Variants in DNAH6 observed in about 807,000 individuals in gnomAD.
DNAH6 encodes the protein dynein axonemal heavy chain 6, also known as axonemal beta dynein heavy chain 6.
Under a neutral mutation model 491.4 loss-of-function variants are expected in DNAH6, and 340 were observed. The observed-to-expected ratio is 0.69, with a 90% CI of 0.63 to 0.76. The LOEUF (loss-of-function observed/expected upper bound fraction) is 0.76, where lower values mean the gene tolerates loss of function less well. Among genes scored for constraint, DNAH6 ranks in the 30% least tolerant of loss-of-function variants. The pLI, the probability that DNAH6 is intolerant of heterozygous loss-of-function variation, is 0.00. For missense variants in DNAH6, 4,443 were observed against 4,972.2 expected, an observed-to-expected ratio of 0.89 and a Z score of 3.20; for synonymous variants, 1,603 against 1,686.1, an observed-to-expected ratio of 0.95 and a Z score of 1.21.
chr2:84,693,609 G>A (rs565827282), intron 45 of DNAH6, among the ~76,000 whole-genome samples: 2 of 151,980 alleles, frequency 1.3e-5, no homozygotes, highest in South Asian at 4.2e-4. Context: ...CGGGCATGGT[G>A]GCAGCCACCT....
intron 37 of DNAH6, among the ~76,000 whole-genome samples, chr2:84,663,945 A>G (rs1691802330): frequency 6.6e-6 from 1 of 152,216 alleles, no homozygotes; most frequent in South Asian, 2.1e-4. Context: ...CCAATATTCA[A>G]CATTCTTAAA....
chr2:84,637,065 G>C, intron 30 of DNAH6, 145 bp from the exon 31 acceptor site: 1 of 680,108 alleles, frequency 1.5e-6, no homozygotes, highest in Admixed American at 3.1e-5. Context: ...GACAGAATCA[G>C]AAATGTTCCC....
chr2:84,590,582 C>T (rs764357766), intron 16 of DNAH6, among the ~76,000 whole-genome samples: 10 of 151,200 alleles, frequency 6.6e-5, no homozygotes, highest in African/African-American at 1.2e-4. Flanking sequence ...GTCAGCAAGA[C>T]GGCAGAGCAT....
chr2:84,671,425 G>A (rs930244460), intron 39 of DNAH6, among the ~76,000 whole-genome samples: 7 of 152,132 alleles, frequency 4.6e-5, no homozygotes, highest in African/African-American at 7.2e-5. Context: ...AGTCTCTGGG[G>A]TGGTGCACCA....
At chr2:84,665,727 G>A (rs1052713842) in intron 37 of DNAH6, among the ~76,000 whole-genome samples, 8 of 152,092 alleles carry the variant, frequency 5.3e-5, no homozygotes, top group Non-Finnish European at 8.8e-5. Context: ...AGAAAAAGAG[G>A]GAATCCTCCC....
intron 33 of DNAH6, 33 bp from the exon 34 acceptor site, chr2:84,653,286 T>A: frequency 1.4e-6 from 2 of 1,431,302 alleles, no homozygotes; most frequent in South Asian, 2.9e-5. Flanking sequence ...AATGACCAGT[T>A]GTTCCTAATT....
chr2:84,516,555 C>T lies in DNAH6; in HGVS notation c.-37C>T, dbSNP rs1273680577. Reference sequence around the variant, plus strand: ...CCAGGCATTGCTCTCTCTGGAGACCCTCGGCGGTGGTTGCTGTATTTTGAC... The same window carrying T: ...CCAGGCATTGCTCTCTCTGGAGACCTTCGGCGGTGGTTGCTGTATTTTGAC... On this transcript the variant is annotated 5_prime_UTR_variant, in exon 1 of 77. Transcript: ENST00000389394. 1 of 152,228 alleles carries T rather than the reference C, an allele frequency of 6.6e-6. No individual in the cohort carries two copies. The highest frequency in any genetic ancestry group is 2.4e-5 in the African/African-American group (1 of 41,448). 9.4% of individuals were successfully genotyped at this position (152,228 alleles called of 1,614,324 possible). A position where few individuals can be genotyped will look rare whatever the true frequency, so the allele number is the denominator to read the frequency against.
At chr2:84,488,794 A>T in the DNAH6 span, among the ~76,000 whole-genome samples, 1 of 152,210 alleles carries the variant, frequency 6.6e-6, no homozygotes, top group African/African-American at 2.4e-5. Context: ...ATGAGGACCT[A>T]AACATCTTTA....
In DNAH6 at chr2:84,517,924, A is replaced by G; in HGVS notation, c.98A>G (p.Lys33Arg). The change falls in exon 2 of 77, where the codon AAA becomes AGA. Residue 33 changes from lysine to arginine, a missense_variant. Lys to Arg is a conservative substitution (Grantham distance 26). Transcript: ENST00000389394. ...ALSRLNNIKA[K>R]QRVSYVTSTE... is the part of the protein sequence containing the mutation. ...TCAAGACTGAATAATATAAAAGCCA[A>G]ACAAAGAGTGAGTTATGTGACATCC... The G allele has an allele frequency of 6.4e-7, 1 of 1,551,846 alleles. No individual in the cohort carries two copies.
At chr2:84,608,679 T>G (rs1841420) in intron 21 of DNAH6, among the ~76,000 whole-genome samples, 146,882 of 152,296 alleles carry the variant, frequency 0.96, 70,878 homozygotes, top group East Asian at 1. Context: ...TAGAGCACAG[T>G]CAGAGTAGAT....
At chr2:84,777,727 C>T in intron 64 of DNAH6, 1 of 835,038 alleles carries the variant, frequency 1.2e-6, no homozygotes, top group South Asian at 1.3e-5. Context: ...GCCCTTCCCC[C>T]ATCAGGTAAC....
chr2:84,672,213 G>T lies in DNAH6; in HGVS notation c.6455-114G>T. On this transcript the variant is annotated intron_variant, in intron 39 of 76. Coordinates refer to ENST00000389394, the MANE Select transcript of DNAH6 (RefSeq NM_001370.2). The stretch of plus-strand genomic sequence containing the variant: ...CCTCCTCCAGGCAGGACTCAGAACT[G>T]AGCTCTTTATGACCTGTAGGATGTC... The T allele has an allele frequency of 5.6e-6, 6 of 1,071,598 alleles. No homozygotes were observed. In the South Asian group the frequency reaches 1.1e-4, roughly 19 times the overall value. The allele number at this position is 1,071,598 out of a possible 1,614,324, so 66.4% of individuals were successfully genotyped here.
chr2:84,533,807 C>G (rs894111191), intron 4 of DNAH6, among the ~76,000 whole-genome samples: 2 of 152,130 alleles, frequency 1.3e-5, no homozygotes, highest in African/African-American at 4.8e-5. Context: ...GTGCTAAAAG[C>G]AGACTCCAGT....
At chr2:84,484,050 C>T in the DNAH6 span, among the ~76,000 whole-genome samples, 1 of 152,084 alleles carries the variant, frequency 6.6e-6, no homozygotes, top group African/African-American at 2.4e-5. Context: ...TGTTTTTGCC[C>T]ATGGTGTTTG....
At chr2:84,536,259 T>G (rs1677680425) in intron 4 of DNAH6, among the ~76,000 whole-genome samples, 2 of 152,082 alleles carry the variant, frequency 1.3e-5, no homozygotes, top group South Asian at 4.1e-4. Flanking sequence ...CTTTGCAGAT[T>G]TAGTAAAGGT....
At chr2:84,465,700 G>A in the DNAH6 span, among the ~76,000 whole-genome samples, 1 of 152,148 alleles carries the variant, frequency 6.6e-6, no homozygotes, top group African/African-American at 2.4e-5. Flanking sequence ...TATGTGCCCA[G>A]GATTAGAGTA....
chr2:84,467,338 TTTC>T, the DNAH6 span, among the ~76,000 whole-genome samples: 1 of 152,190 alleles, frequency 6.6e-6, no homozygotes, highest in South Asian at 2.1e-4. Flanking sequence ...TATAAAACTG[TTTC>T]TTCAAGAGTC....
intron 5 of DNAH6, among the ~76,000 whole-genome samples, chr2:84,546,233 C>G (rs1243675486): frequency 6.6e-6 from 1 of 152,120 alleles, no homozygotes; most frequent in African/African-American, 2.4e-5. Context: ...CAGCAAATAC[C>G]AAAATCCACG....
intron 68 of DNAH6, among the ~76,000 whole-genome samples, chr2:84,789,787 C>T (rs576433244): frequency 1.3e-5 from 2 of 152,294 alleles, no homozygotes; most frequent in Admixed American, 1.3e-4. Flanking sequence ...AACTAGAGCA[C>T]TTTTACAAGA....
Sources: gnomAD v4.1 joint callset for allele counts (sites outside exome capture counted in the v4.1 genomes callset) on GRCh38, gnomAD v4.1.1 for gene constraint, MANE v1.5 for transcripts, NCBI Gene and HGNC (gene_info 2026-07-23, HGNC 2026-07-21) for gene names.